TAB1: variants seen among roughly 807,000 people sequenced by gnomAD.
TAB1 encodes the protein TGF-beta-activated kinase 1 and MAP3K7-binding protein 1.
Under a neutral mutation model 54.5 loss-of-function variants are expected in TAB1, and 30 were observed. The observed-to-expected ratio is 0.55, with a 90% CI of 0.41 to 0.75. The LOEUF (loss-of-function observed/expected upper bound fraction) is 0.75. Among genes scored for constraint, TAB1 ranks in the 30% least tolerant of loss-of-function variants. TAB1 has a pLI of 0.00. For synonymous variants in TAB1, 289 were observed against 286.9 expected (o/e 1.01, Z -0.07); for missense variants, 609 against 683.2 (o/e 0.89, Z 1.21).
At chr22:39,421,760 C>G in intron 7 of TAB1, 67 bp from the exon 8 acceptor site, 1 of 1,549,528 alleles carries the variant, frequency 6.5e-7, no homozygotes, top group African/African-American at 1.4e-5. Flanking sequence ...TTCCTCCCCT[C>G]AGCAGAATCA....
chr22:39,404,565 T>TAA (rs956258923), intron 1 of TAB1, among the ~76,000 whole-genome samples: 1 of 143,406 alleles, frequency 7.0e-6, no homozygotes. Context: ...AAGACCTGTT[T>TAA]AAAAAAAAAA....
Position 39,415,108 on chromosome 22 carries a change from A to G in TAB1, c.136A>G (p.Ser46Gly). ...SYSADGKGTE[S>G]HPPEDSWLKF... ...CTCTGCTGATGGCAAGGGCACTGAG[A>G]GCCACCCGCCAGAGGACAGCTGGCT... The change falls in exon 2 of 11, where the codon AGC becomes GGC. Residue 46 changes from serine to glycine, a missense_variant. Physicochemically the swap from Ser to Gly is moderately conservative, Grantham distance 56. Transcript: ENST00000216160. This position sits in a 1 kb window ranked among gnomAD's most constrained non-coding sequence, Gnocchi z 4.9. The G allele has an allele frequency of 9.3e-6, 15 of 1,606,674 alleles. No homozygotes were observed. The highest frequency in any genetic ancestry group is 1.3e-5 in the Non-Finnish European group (15 of 1,174,978).
At chr22:39,403,827 G>A (rs890769006) in intron 1 of TAB1, among the ~76,000 whole-genome samples, 4 of 151,194 alleles carry the variant, frequency 2.6e-5, no homozygotes, top group Non-Finnish European at 1.5e-5. Flanking sequence ...TTTTTTTTTA[G>A]TAGAGACGGG....
intron 1 of TAB1, among the ~76,000 whole-genome samples, chr22:39,404,348 C>G (rs1003247484): frequency 6.6e-6 from 1 of 152,128 alleles, no homozygotes; most frequent in African/African-American, 2.4e-5. Flanking sequence ...CTTTGGGAGG[C>G]TGAGGCAGGA....
Position 39,399,786 on chromosome 22 carries a change from G to C in TAB1, c.-17G>C, listed in dbSNP as rs757044348. 8.8e-6 allele frequency: 14 copies of C among 1,583,856 alleles called. No homozygotes were observed. In the South Asian group the frequency reaches 1.6e-4, roughly 18 times the overall value. On this transcript the variant is annotated 5_prime_UTR_variant, in exon 1 of 11. Coordinates refer to ENST00000216160, the MANE Select transcript of TAB1 (RefSeq NM_006116.3). ...GCTCTGCGGGGAGGCGGGCGCTCCC[G>C]CAGGGGTTCCTCCAAGATGGCGGCG...
downstream of TAB1, chr22:39,433,178 G>A (rs923375092): frequency 3.6e-5 from 35 of 985,264 alleles, no homozygotes; most frequent in South Asian, 1.9e-4. Context: ...TCGGCCGGGC[G>A]CGGTGGCTCA....
intron 1 of TAB1, among the ~76,000 whole-genome samples, chr22:39,401,034 C>CAAAA (rs566248298): frequency 2.8e-4 from 13 of 45,614 alleles, no homozygotes; most frequent in African/African-American, 6.4e-4. Context: ...GACTGTGTCT[C>CAAAA]AAAAAAAAAA....
At position 39,430,563 on chromosome 22, in the gene TAB1, C is replaced by T. The variant is rs923790309; in HGVS notation, c.*341C>T. On this transcript the variant is annotated 3_prime_UTR_variant, in exon 11 of 11. Transcript: ENST00000216160. ...CAGCCTCCTACAGAGCAGGAAGAGG[C>T]GCCCTGTGAACCCTGAGTGTTGCAG... is the stretch of plus-strand genomic sequence containing the variant. The T allele has an allele frequency of 1.3e-5, 15 of 1,188,906 alleles. No individual in the cohort carries two copies. The highest frequency in any genetic ancestry group is 2.0e-5 in the South Asian group (1 of 50,924). The allele number at this position is 1,188,906 out of a possible 1,614,324, so 73.6% of individuals were successfully genotyped here.
chr22:39,429,880 C>T, intron 10 of TAB1, 135 bp from the exon 11 acceptor site: 1 of 1,508,376 alleles, frequency 6.6e-7, no homozygotes, highest in Non-Finnish European at 8.9e-7. Flanking sequence ...GCTGGGCCAG[C>T]TCCTATGGTC....
intron 1 of TAB1, among the ~76,000 whole-genome samples, chr22:39,406,171 G>C (rs939313211): frequency 3.9e-5 from 6 of 152,136 alleles, no homozygotes; most frequent in Non-Finnish European, 8.8e-5. Flanking sequence ...AGGCCAAGGC[G>C]TGTGGATCAC....
downstream of TAB1, among the ~76,000 whole-genome samples, chr22:39,434,328 G>A (rs1927705223): frequency 1.3e-5 from 2 of 152,266 alleles, no homozygotes; most frequent in African/African-American, 4.8e-5. Flanking sequence ...CCGGGTCGAT[G>A]CTACCTGCAG....
At chr22:39,426,591 C>G in intron 8 of TAB1, 112 bp from the exon 9 acceptor site, 1 of 946,426 alleles carries the variant, frequency 1.1e-6, no homozygotes, top group Non-Finnish European at 1.5e-6. Context: ...ATTTCCTTCA[C>G]CTGCTGGGCT....
chr22:39,417,151 A>G (rs1186038601), intron 4 of TAB1, among the ~76,000 whole-genome samples: 1 of 152,206 alleles, frequency 6.6e-6, no homozygotes, highest in East Asian at 1.9e-4. Context: ...CGCCCTTGTC[A>G]ACCACCTGCT....
At chr22:39,427,510 C>G (rs557378457) in intron 9 of TAB1, among the ~76,000 whole-genome samples, 80 of 152,346 alleles carry the variant, frequency 5.3e-4, no homozygotes, top group African/African-American at 1.4e-3. Context: ...CGTGCTCCCC[C>G]CAGTGCTGCT....
rs11290078 is a variant in TAB1 at position 39,406,397 on chromosome 22, CAAAAAAAAAAAAA to C, written c.33+6571_33+6583del. On this transcript the variant is annotated intron_variant, in intron 1 of 10. Coordinates refer to ENST00000216160, the MANE Select transcript of TAB1 (RefSeq NM_006116.3). ...CTGGGCGACAGAGTGAGACTGTCAC[CAAAAAAAAAAAAA>C]AAAAAAAAGGAATCATTTGAGTGAA... Among the ~76,000 whole-genome samples the C allele has an allele frequency of 4.1e-5, 3 of 73,774 alleles. No individual in the cohort carries two copies. The South Asian group carries it at 1.6e-3, about 39-fold the overall frequency. The allele number at this position is 73,774 out of a possible 152,430, so 48.4% of individuals were successfully genotyped here.
chr22:39,406,123 A>G (rs1215042409), intron 1 of TAB1, among the ~76,000 whole-genome samples: 1 of 152,208 alleles, frequency 6.6e-6, no homozygotes, highest in East Asian at 1.9e-4. Flanking sequence ...TAACAATACC[A>G]GGCTATAGCA....
At chr22:39,418,075 T>G (rs1403384770) in intron 5 of TAB1, among the ~76,000 whole-genome samples, 1 of 152,204 alleles carries the variant, frequency 6.6e-6, no homozygotes, top group Admixed American at 6.5e-5. Flanking sequence ...CCTATTCTGC[T>G]TCTTAACTCA....
At chr22:39,425,250 G>A (rs1927269040) in intron 8 of TAB1, among the ~76,000 whole-genome samples, 1 of 151,742 alleles carries the variant, frequency 6.6e-6, no homozygotes, top group Admixed American at 6.6e-5. Context: ...GGTGCATAGT[G>A]ACGCACGCCT....
chr22:39,435,948 C>T (rs1927767359), downstream of TAB1, among the ~76,000 whole-genome samples: 1 of 152,204 alleles, frequency 6.6e-6, no homozygotes, highest in Non-Finnish European at 1.5e-5. Context: ...ATCCCCATCT[C>T]ATCTTCAAAT....
Sources: gnomAD v4.1 joint callset for allele counts (sites outside exome capture counted in the v4.1 genomes callset) on GRCh38, gnomAD v4.1.1 for gene constraint, Gnocchi (gnomAD v3.1) non-coding constraint, MANE v1.5 for transcripts, NCBI Gene and HGNC (gene_info 2026-07-23, HGNC 2026-07-21) for gene names.